The following NLGN1 variants were observed in gnomAD, a reference collection of about 807,000 sequenced individuals.
NLGN1 encodes neuroligin-1.
In NLGN1, 12 loss-of-function variants were observed where a neutral mutation model predicts 65.5. The observed-to-expected ratio is 0.18, with a 90% confidence interval of 0.12 to 0.30. NLGN1 has a LOEUF of 0.30. Among genes scored for constraint, NLGN1 ranks in the 10% least tolerant of loss-of-function variants. NLGN1 has a pLI of 1.00. For missense variants in NLGN1, 750 were observed against 1,007.1 expected (o/e 0.74, Z 3.46); for synonymous variants, 350 against 359.5 (o/e 0.97, Z 0.30).
chr3:173,586,040 T>C (rs1747380851), intron 2 of NLGN1, among the ~76,000 whole-genome samples: 1 of 152,162 alleles, frequency 6.6e-6, no homozygotes. Flanking sequence ...TCAGAACAAT[T>C]GCATACAAAG....
chr3:174,162,177 A>G (rs1256491744), intron 4 of NLGN1, among the ~76,000 whole-genome samples: 3 of 151,972 alleles, frequency 2.0e-5, no homozygotes, highest in Admixed American at 6.6e-5. Flanking sequence ...TTTGAGCAAT[A>G]TAAATGTAGT....
intron 4 of NLGN1, among the ~76,000 whole-genome samples, chr3:174,084,048 T>G (rs1279923480): frequency 1.3e-5 from 2 of 152,218 alleles, no homozygotes; most frequent in Non-Finnish European, 2.9e-5. Context: ...TTATTATGAT[T>G]GTTATGGTTA....
intron 3 of NLGN1, among the ~76,000 whole-genome samples, chr3:173,705,755 T>C (rs963344882): frequency 2.0e-5 from 3 of 152,176 alleles, no homozygotes; most frequent in African/African-American, 4.8e-5. Context: ...CCTTTTTTTT[T>C]TCTTCCTAAT....
At chr3:174,202,359 A>C (rs1023732637) in intron 4 of NLGN1, among the ~76,000 whole-genome samples, 2 of 152,012 alleles carry the variant, frequency 1.3e-5, no homozygotes, top group Non-Finnish European at 2.9e-5. Context: ...ATTATCTGCT[A>C]TTTGGCACAC....
intron 4 of NLGN1, among the ~76,000 whole-genome samples, chr3:173,808,042 A>G (rs141207695): frequency 6.6e-6 from 1 of 152,164 alleles, no homozygotes. Context: ...TCACATTGTC[A>G]TGGAATGTAC....
chr3:173,589,450 A>G (rs1192586836), intron 2 of NLGN1, among the ~76,000 whole-genome samples: 1 of 152,132 alleles, frequency 6.6e-6, no homozygotes. Context: ...AATTCTGTTT[A>G]TGTTTTGCAT....
downstream of NLGN1, among the ~76,000 whole-genome samples, chr3:174,287,489 G>A (rs950082835): frequency 4.0e-5 from 6 of 151,432 alleles, no homozygotes; most frequent in African/African-American, 1.5e-4. Flanking sequence ...GTAAAATTTG[G>A]TGTTGTTTGA....
At position 173,413,279 on chromosome 3, in the gene NLGN1, CATCT is replaced by C. The variant is rs1434100552; in HGVS notation, c.-390+14794_-390+14797del. Reference sequence around the variant, plus strand: ...ATATTTTTTGTTTTATCTATCCATCCATCTACCTATTTTATTTTAATTTTAAAAA... The same window carrying C: ...ATATTTTTTGTTTTATCTATCCATCCACCTATTTTATTTTAATTTTAAAAA... On this transcript the variant is annotated intron_variant, in intron 1 of 6. Coordinates refer to ENST00000457714, the Ensembl canonical transcript of NLGN1. Among the ~76,000 whole-genome samples, 5 of 152,162 alleles carry C rather than the reference CATCT, an allele frequency of 3.3e-5. No individual in the cohort carries two copies. In the East Asian group the frequency reaches 7.7e-4, roughly 24 times the overall value.
intron 4 of NLGN1, among the ~76,000 whole-genome samples, chr3:174,133,544 G>T (rs1720611032): frequency 6.6e-6 from 1 of 152,080 alleles, no homozygotes. Context: ...TGGGAAGGGG[G>T]TAGACAGTAT....
exon 7 of NLGN1, chr3:174,281,370 C>G: frequency 2.0e-6 from 2 of 989,972 alleles, no homozygotes; most frequent in East Asian, 5.1e-5. Flanking sequence ...GATTCCTTGG[C>G]TTTCAACCTA....
At chr3:173,752,562 GT>G (rs1439679915) in intron 3 of NLGN1, among the ~76,000 whole-genome samples, 1 of 152,080 alleles carries the variant, frequency 6.6e-6, no homozygotes, top group African/African-American at 2.4e-5. Flanking sequence ...TCTTTCCTTT[GT>G]TTAAAAAGCT....
intron 3 of NLGN1, among the ~76,000 whole-genome samples, chr3:173,711,117 A>C (rs1235449088): frequency 3.3e-5 from 5 of 152,214 alleles, no homozygotes. Flanking sequence ...CAGAAAAGAC[A>C]TAAAATCAAG....
intron 4 of NLGN1, among the ~76,000 whole-genome samples, chr3:174,159,704 C>T (rs962933021): frequency 4.6e-5 from 7 of 151,672 alleles, no homozygotes; most frequent in Admixed American, 4.0e-4. Context: ...TCAAGTTAGG[C>T]GGCTGGTTGG....
intron 3 of NLGN1, among the ~76,000 whole-genome samples, chr3:173,765,514 T>G (rs1778655457): frequency 6.6e-6 from 1 of 152,178 alleles, no homozygotes; most frequent in African/African-American, 2.4e-5. Flanking sequence ...GAAATTTCAA[T>G]TTTTCCTCTT....
At chr3:174,053,223 C>CCTTA (rs1560929443) in intron 4 of NLGN1, among the ~76,000 whole-genome samples, 1 of 151,850 alleles carries the variant, frequency 6.6e-6, no homozygotes, top group Non-Finnish European at 1.5e-5. Context: ...TATCCCTGAG[C>CCTTA]CTTAGTGTGC....
chr3:173,831,438 A>G (rs368007272), intron 4 of NLGN1, among the ~76,000 whole-genome samples: 143 of 152,330 alleles, frequency 9.4e-4, no homozygotes, highest in African/African-American at 3.4e-3. Flanking sequence ...ATGCCTGCCC[A>G]TATACACAGA....
chr3:173,632,938 G>C (rs1755957632), intron 3 of NLGN1, among the ~76,000 whole-genome samples: 1 of 147,960 alleles, frequency 6.8e-6, no homozygotes, highest in Admixed American at 6.8e-5. Context: ...CAGTATGAGT[G>C]TAATTGCTTC....
chr3:173,657,537 G>T (rs1043273400), intron 3 of NLGN1, among the ~76,000 whole-genome samples: 1 of 151,850 alleles, frequency 6.6e-6, no homozygotes, highest in South Asian at 2.1e-4. Flanking sequence ...ACTGGGCAGT[G>T]GGGGGAAAGC....
Position 174,233,245 on chromosome 3 carries a change from C to A in NLGN1, c.647-42070C>A, listed in dbSNP as rs192193886. Among the ~76,000 whole-genome samples, 459 of 152,116 alleles carry A rather than the reference C, an allele frequency of 3.0e-3. 5 individuals carry two copies. The highest frequency in any genetic ancestry group is 0.01 in the African/African-American group (434 of 41,504). On this transcript the variant is annotated intron_variant, in intron 4 of 6. Transcript: ENST00000457714. ...CGCCAGTATCCCAGCACTTTGGGAG[C>A]CTGAGGCGGGAGGAGTTCGACCTGA...
Sources: allele counts gnomAD v4.1 joint callset (sites outside exome capture counted in the v4.1 genomes callset), GRCh38; gene constraint gnomAD v4.1.1; transcripts MANE v1.5; gene names NCBI Gene and HGNC (gene_info 2026-07-23, HGNC 2026-07-21).